The following CSMD1 variants were observed in gnomAD, a reference collection of about 807,000 sequenced individuals.
The protein encoded by CSMD1 is CUB and Sushi multiple domains 1.
In CSMD1, 213 loss-of-function variants were observed where a neutral mutation model predicts 417.5. That is an observed-to-expected ratio of 0.51 (90% CI 0.46 to 0.57). CSMD1 has a LOEUF of 0.57. Ranked by LOEUF, CSMD1 falls within the 20% of genes least tolerant of loss-of-function variation. CSMD1 has a pLI of 0.00. For synonymous variants in CSMD1, 2,862 were observed against 1,736.8 expected (o/e 1.65, Z -16.11); for missense variants, 6,923 against 4,529.7 (o/e 1.53, Z -15.17).
Position 2,973,702 on chromosome 8 carries a change from T to G in CSMD1, c.8741-403A>C, listed in dbSNP as rs79616070. 2.0e-3 allele frequency among the ~76,000 whole-genome samples: 311 copies of G among 152,080 alleles called. 3 individuals carry two copies. The highest frequency in any genetic ancestry group is 0.014 in the Middle Eastern group (4 of 292). ...AAAGTCAAAGGAGAGGTTTAGCTCT[T>G]CAGAATTGTGTCCAGAGTTGCTGGT... On this transcript the variant is annotated intron_variant, in intron 56 of 69. Transcript: ENST00000635120.
At chr8:4,370,219 T>C (rs548312924) in intron 3 of CSMD1, among the ~76,000 whole-genome samples, 22 of 152,322 alleles carry the variant, frequency 1.4e-4, no homozygotes, top group African/African-American at 5.3e-4. Context: ...TTTGGTGAGA[T>C]ACGAAATTCT....
intron 11 of CSMD1, among the ~76,000 whole-genome samples, chr8:3,490,526 T>G (rs1306894180): frequency 1.3e-5 from 2 of 152,212 alleles, no homozygotes; most frequent in Admixed American, 1.3e-4. Context: ...GTAATAATAA[T>G]ACGTGTGGGT....
intron 2 of CSMD1, among the ~76,000 whole-genome samples, chr8:4,586,720 T>G (rs888847486): frequency 7.9e-5 from 12 of 152,218 alleles, no homozygotes; most frequent in African/African-American, 1.7e-4. Flanking sequence ...TAAAGCATCA[T>G]GCCTGTGAGA....
Position 4,141,866 on chromosome 8 carries a change from A to C in CSMD1, c.416-109767T>G, listed in dbSNP as rs1015543519. Among the ~76,000 whole-genome samples, 2 of 151,126 alleles carry C rather than the reference A, an allele frequency of 1.3e-5. 1 individual carries two copies. Among genetic ancestry groups the C allele is most frequent in the African/African-American group, 4.9e-5 (2 of 40,452 alleles). On this transcript the variant is annotated intron_variant, in intron 3 of 69. Transcript: ENST00000635120. ...GACTAACAGTACCATTTAGATATTG[A>C]GAGTACCAATCCTACAAGGAGGAAA...
chr8:3,399,298 A>G, intron 16 of CSMD1, 93 bp downstream of exon 16: 1 of 1,245,676 alleles, frequency 8.0e-7, no homozygotes, highest in Non-Finnish European at 1.1e-6. Context: ...ACCGAAAAAA[A>G]CTGCCATCTT....
chr8:4,115,815 T>C (rs901207672), intron 3 of CSMD1, among the ~76,000 whole-genome samples: 44 of 149,414 alleles, frequency 2.9e-4, no homozygotes, highest in African/African-American at 9.8e-4. Flanking sequence ...TATTTCTCAG[T>C]AAAAAAAAAG....
At chr8:3,925,196 T>C (rs1389903179) in intron 5 of CSMD1, among the ~76,000 whole-genome samples, 1 of 152,216 alleles carries the variant, frequency 6.6e-6, no homozygotes, top group Admixed American at 6.5e-5. Flanking sequence ...AATGTGTGTG[T>C]TTTCAATTTG....
chr8:3,801,837 C>G (rs754966440), intron 5 of CSMD1, among the ~76,000 whole-genome samples: 1 of 151,976 alleles, frequency 6.6e-6, no homozygotes, highest in Non-Finnish European at 1.5e-5. Flanking sequence ...ACTGAGGGAC[C>G]AGAATCATTA....
intron 26 of CSMD1, among the ~76,000 whole-genome samples, chr8:3,276,037 G>GT (rs1340702691): frequency 1.3e-5 from 2 of 152,120 alleles, no homozygotes; most frequent in Non-Finnish European, 1.5e-5. Flanking sequence ...TTTCTGCTCT[G>GT]TTTTTTCCCC....
chr8:4,086,600 G>A (rs576574995), intron 3 of CSMD1, among the ~76,000 whole-genome samples: 11 of 152,216 alleles, frequency 7.2e-5, no homozygotes, highest in African/African-American at 2.2e-4. Context: ...GCTTAACCTT[G>A]AATAAAGTAC....
At chr8:3,782,227 G>A (rs1421892481) in intron 5 of CSMD1, among the ~76,000 whole-genome samples, 1 of 152,156 alleles carries the variant, frequency 6.6e-6, no homozygotes, top group Non-Finnish European at 1.5e-5. Flanking sequence ...CAGAATCTAT[G>A]TCAGTCACCA....
intron 5 of CSMD1, among the ~76,000 whole-genome samples, chr8:3,912,866 G>C (rs73499844): frequency 0.031 from 4,791 of 152,266 alleles, 125 homozygotes; most frequent in African/African-American, 0.068. Flanking sequence ...GGGCGTAGTA[G>C]TGATGGTGAT....
intron 5 of CSMD1, among the ~76,000 whole-genome samples, chr8:3,836,844 A>G (rs1802742911): frequency 1.3e-5 from 2 of 152,178 alleles, no homozygotes; most frequent in African/African-American, 4.8e-5. Context: ...ATATGTTAAT[A>G]TTTAAATGTT....
chr8:4,258,816 A>G (rs886458246), intron 3 of CSMD1, among the ~76,000 whole-genome samples: 1 of 152,120 alleles, frequency 6.6e-6, no homozygotes, highest in Non-Finnish European at 1.5e-5. Flanking sequence ...AGGGCACAGC[A>G]GCAGAAAGAT....
intron 23 of CSMD1, among the ~76,000 whole-genome samples, chr8:3,330,052 G>A (rs1806792165): frequency 6.6e-6 from 1 of 152,178 alleles, no homozygotes; most frequent in African/African-American, 2.4e-5. Flanking sequence ...CAAGCCCATG[G>A]CAGTCATGGT....
chr8:3,317,048 A>C (rs377065240), intron 23 of CSMD1, among the ~76,000 whole-genome samples: 6 of 152,092 alleles, frequency 3.9e-5, no homozygotes, highest in African/African-American at 1.2e-4. Context: ...AGCCTGAGTG[A>C]GAGTGGACAC....
chr8:3,729,314 C>A (rs1585144617), intron 6 of CSMD1, among the ~76,000 whole-genome samples: 1 of 152,146 alleles, frequency 6.6e-6, no homozygotes, highest in African/African-American at 2.4e-5. Context: ...CAGATGCTGT[C>A]TGAGGGTGGG....
At chr8:3,961,341 C>A (rs565054163) in intron 5 of CSMD1, among the ~76,000 whole-genome samples, 4 of 152,078 alleles carry the variant, frequency 2.6e-5, no homozygotes, top group Admixed American at 6.6e-5. Flanking sequence ...CATTTTTAAC[C>A]GGGTAAGCCA....
chr8:3,307,938 C>T, intron 24 of CSMD1, 117 bp from the exon 25 acceptor site: 2 of 1,126,752 alleles, frequency 1.8e-6, no homozygotes, highest in Non-Finnish European at 2.5e-6. Flanking sequence ...GAAAAAGAAT[C>T]ACCATCATCT....
Sources: gnomAD v4.1 joint callset for allele counts (sites outside exome capture counted in the v4.1 genomes callset) on GRCh38, gnomAD v4.1.1 for gene constraint, MANE v1.5 for transcripts, NCBI Gene and HGNC (gene_info 2026-07-23, HGNC 2026-07-21) for gene names.